Variants in CEP120 observed in about 807,000 individuals in gnomAD.
CEP120 encodes centrosomal protein 120, also known as centrosomal protein of 120 kDa.
A neutral mutation model predicts 126.5 loss-of-function variants in CEP120; 113 were observed. The ratio of observed to expected loss-of-function variants is 0.89; its 90% CI spans 0.77 to 1.04. The LOEUF (loss-of-function observed/expected upper bound fraction) is 1.04. CEP120 is among the 50% of genes least tolerant of loss of function. The pLI is 0.00. For synonymous variants in CEP120, 400 were observed against 394.3 expected, an observed-to-expected ratio of 1.01 and a Z score of -0.17; for missense variants, 1,230 against 1,155.7, an observed-to-expected ratio of 1.06 and a Z score of -0.93.
chr5:123,394,460 A>C (rs1048768422), intron 5 of CEP120, among the ~76,000 whole-genome samples: 3 of 152,194 alleles, frequency 2.0e-5, no homozygotes, highest in Non-Finnish European at 2.9e-5. Flanking sequence ...ATCTAATGCC[A>C]CCACTGATCT....
chr5:123,402,152 G>A (rs1488954088), intron 4 of CEP120: 48 of 1,583,588 alleles, frequency 3.0e-5, no homozygotes, highest in Non-Finnish European at 2.4e-5. Context: ...CTGTGACCGC[G>A]GTGATGCCTC....
chr5:123,386,775 T>C (rs1219549567), intron 9 of CEP120, 108 bp from the exon 10 acceptor site: 1 of 826,048 alleles, frequency 1.2e-6, no homozygotes, highest in Non-Finnish European at 1.7e-6. Context: ...TATGAGCAAA[T>C]ACAACTTTTT....
rs75744800 is a variant in CEP120 at position 123,386,676 on chromosome 5, TAAAAAAAAA to T, written c.1431-18_1431-10del. 6.3e-4 allele frequency: 385 copies of T among 611,086 alleles called. 4 individuals are homozygous for T. The African/African-American group carries it at 8.9e-3, about 14-fold the overall frequency. The allele number at this position is 611,086 out of a possible 1,614,324, so 37.9% of individuals were successfully genotyped here. A position where few individuals can be genotyped will look rare whatever the true frequency, so the allele number is the denominator to read the frequency against. ...AGAATGGATATGAGTACCTAGAATTTAAAAAAAAAAAAAAAAAAAAAAGCCTTAATGATA... is the reference window on the plus strand; with the variant it reads ...AGAATGGATATGAGTACCTAGAATTTAAAAAAAAAAAAAGCCTTAATGATA... On this transcript the variant is annotated splice_polypyrimidine_tract_variant and intron_variant, in intron 9 of 19. Coordinates refer to ENST00000306467, the MANE Select transcript of CEP120 (RefSeq NM_001375405.1).
Position 123,377,457 on chromosome 5 carries a change from T to C in CEP120, c.2275A>G (p.Lys759Glu). Residue 759 changes from lysine to glutamate, a missense_variant, in exon 16 of 20, where the codon AAA becomes GAA. By Grantham distance (56) the Lys-to-Glu change is moderately conservative. Coordinates refer to ENST00000306467, the MANE Select transcript of CEP120 (RefSeq NM_001375405.1). ...QELQDSIRRA[K>E]EDCIHQVELE... is the part of the protein sequence containing the mutation. ...TCTACTTGGTGAATACAGTCCTCTT[T>C]GGCCCTACGGATAGAGTCCTGCAGT... 1 of 1,611,830 alleles carries C rather than the reference T, an allele frequency of 6.2e-7. No individual in the cohort carries two copies. Among genetic ancestry groups the C allele is most frequent in the Non-Finnish European group, 8.5e-7 (1 of 1,179,286 alleles).
At chr5:123,421,338 C>A (rs1313254020) in intron 1 of CEP120, among the ~76,000 whole-genome samples, 1 of 152,338 alleles carries the variant, frequency 6.6e-6, no homozygotes, top group East Asian at 1.9e-4. Context: ...TCAGAAAGAC[C>A]TTGACTGCTA....
intron 8 of CEP120, among the ~76,000 whole-genome samples, chr5:123,389,035 A>G (rs749123662): frequency 9.2e-5 from 14 of 152,228 alleles, no homozygotes; most frequent in Admixed American, 1.3e-4. Flanking sequence ...TAAAACTTAA[A>G]AAGACAGATA....
At chr5:123,354,490 G>T (rs1024357862) in intron 18 of CEP120, among the ~76,000 whole-genome samples, 1 of 151,958 alleles carries the variant, frequency 6.6e-6, no homozygotes, top group African/African-American at 2.4e-5. Flanking sequence ...GAGAGTTATG[G>T]TAAAATCTTC....
chr5:123,377,937 T>TCTGA (rs1488250006), intron 15 of CEP120, among the ~76,000 whole-genome samples: 3 of 152,262 alleles, frequency 2.0e-5, no homozygotes, highest in Admixed American at 2.0e-4. Context: ...GTTTAAACAC[T>TCTGA]CTGACATACT....
chr5:123,422,600 A>G (rs1158076528), intron 1 of CEP120: 1 of 1,470,490 alleles, frequency 6.8e-7, no homozygotes, highest in Non-Finnish European at 9.2e-7. Context: ...AAGCTCTTAC[A>G]AGTGCTATTA....
At chr5:123,358,245 T>C (rs1444074191) in intron 18 of CEP120, 1 of 152,048 alleles carries the variant, frequency 6.6e-6, no homozygotes, top group African/African-American at 2.4e-5. Context: ...TTCAGGATAG[T>C]GGTTACCTCT....
At chr5:123,346,792 T>A in intron 19 of CEP120, 39 bp from the exon 20 acceptor site, 1 of 1,409,210 alleles carries the variant, frequency 7.1e-7, no homozygotes, top group Non-Finnish European at 9.5e-7. Flanking sequence ...AGCAACTGTG[T>A]TGGTTTTCTT....
chr5:123,400,055 C>A (rs1259677389), intron 4 of CEP120, among the ~76,000 whole-genome samples: 3 of 152,068 alleles, frequency 2.0e-5, no homozygotes, highest in South Asian at 2.1e-4. Flanking sequence ...CTAGAATAAC[C>A]AATTAGAGGG....
chr5:123,393,711 T>C (rs1421586203), intron 5 of CEP120, among the ~76,000 whole-genome samples: 2 of 152,224 alleles, frequency 1.3e-5, no homozygotes, highest in Admixed American at 1.3e-4. Flanking sequence ...TAAAAGACTT[T>C]ATAGATTTAT....
chr5:123,402,287 G>C, intron 4 of CEP120: 2 of 1,472,210 alleles, frequency 1.4e-6, no homozygotes, highest in Non-Finnish European at 1.8e-6. Context: ...GGCTGCTGAA[G>C]GCCCGGGGGC....
chr5:123,364,438 G>T, intron 18 of CEP120, 58 bp downstream of exon 18: 1 of 1,148,918 alleles, frequency 8.7e-7, no homozygotes, highest in South Asian at 1.5e-5. Flanking sequence ...CCAAACATAC[G>T]AATTTGCAAA....
intron 6 of CEP120, among the ~76,000 whole-genome samples, chr5:123,392,821 T>C (rs1392944171): frequency 1.3e-5 from 2 of 152,214 alleles, no homozygotes; most frequent in African/African-American, 2.4e-5. Context: ...ATGTTTGCTT[T>C]TAAATGGAGT....
chr5:123,385,430 T>G (rs892216286), intron 10 of CEP120, among the ~76,000 whole-genome samples: 1 of 152,186 alleles, frequency 6.6e-6, no homozygotes, highest in Non-Finnish European at 1.5e-5. Context: ...CCTACAGTAT[T>G]CAGTACAGTC....
At position 123,408,220 on chromosome 5, in the gene CEP120, G is replaced by A. The variant is rs889010403; in HGVS notation, c.463+4179C>T. Among the ~76,000 whole-genome samples, 6 of 151,972 alleles carry A rather than the reference G, an allele frequency of 3.9e-5. No individual in the cohort carries two copies. In the South Asian group the frequency reaches 6.2e-4, roughly 16 times the overall value. On this transcript the variant is annotated intron_variant, in intron 4 of 19. Coordinates refer to ENST00000306467, the MANE Select transcript of CEP120 (RefSeq NM_001375405.1). ...TCTAAGCTTCCACCTTAGGAAACCA[G>A]AAAAGGAGCAAATTAGGTCCAAGTA...
At chr5:123,420,394 G>C (rs965100286) in intron 1 of CEP120, among the ~76,000 whole-genome samples, 2 of 152,096 alleles carry the variant, frequency 1.3e-5, no homozygotes, top group Non-Finnish European at 2.9e-5. Flanking sequence ...TTTGTTCATG[G>C]TAAAAGCTTA....
Sources: allele counts gnomAD v4.1 joint callset (sites outside exome capture counted in the v4.1 genomes callset), GRCh38; gene constraint gnomAD v4.1.1; transcripts MANE v1.5; gene names NCBI Gene and HGNC (gene_info 2026-07-23, HGNC 2026-07-21).